The following MACROD2 variants were observed in gnomAD, a reference collection of about 807,000 sequenced individuals.
MACROD2 encodes the protein mono-ADP ribosylhydrolase 2.
In MACROD2, 36 loss-of-function variants were observed where a neutral mutation model predicts 70.4. The observed-to-expected ratio is 0.51, with a 90% CI of 0.39 to 0.68. MACROD2 has a LOEUF of 0.68. MACROD2 is among the 30% of genes least tolerant of loss of function. MACROD2 has a pLI of 0.00. For missense variants in MACROD2, 496 were observed against 538.4 expected (o/e 0.92, Z 0.78); for synonymous variants, 172 against 178.8 (o/e 0.96, Z 0.30).
At chr20:14,417,313 T>C (rs1389208777) in intron 3 of MACROD2, among the ~76,000 whole-genome samples, 2 of 152,198 alleles carry the variant, frequency 1.3e-5, no homozygotes, top group East Asian at 3.8e-4. Context: ...GATAGATACT[T>C]TGAAAACTGC....
intron 6 of MACROD2, among the ~76,000 whole-genome samples, chr20:15,313,394 C>T (rs1195904823): frequency 6.6e-6 from 1 of 151,246 alleles, no homozygotes; most frequent in Non-Finnish European, 1.5e-5. Context: ...GTAGTCCCAG[C>T]TACTCGGGAG....
intron 8 of MACROD2, among the ~76,000 whole-genome samples, chr20:15,799,761 G>A (rs917233516): frequency 1.3e-5 from 2 of 152,128 alleles, no homozygotes. Context: ...GTGAGTGCAG[G>A]CATCCCTTTA....
chr20:15,630,694 GATGC>G (rs2049275749), intron 8 of MACROD2, among the ~76,000 whole-genome samples: 1 of 152,226 alleles, frequency 6.6e-6, no homozygotes. Flanking sequence ...AGCAAATGTA[GATGC>G]ATGCCCTTTG....
At chr20:14,762,459 A>G (rs1389964591) in intron 5 of MACROD2, among the ~76,000 whole-genome samples, 1 of 152,150 alleles carries the variant, frequency 6.6e-6, no homozygotes, top group African/African-American at 2.4e-5. Flanking sequence ...CAAATCAAAA[A>G]CAAAAATAAA....
Position 14,862,646 on chromosome 20 carries a change from T to TATATAAATATATATAAAA in MACROD2, c.418+177692_418+177693insAATATATATAAAAATATA, listed in dbSNP as rs1555840106. Among the ~76,000 whole-genome samples the TATATAAATATATATAAAA allele has an allele frequency of 2.1e-3, 10 of 4,778 alleles. 1 individual carries two copies. The highest frequency in any genetic ancestry group is 6.6e-3 in the African/African-American group (8 of 1,218). 3.1% of individuals were successfully genotyped at this position (4,778 alleles called of 152,430 possible). A position where few individuals can be genotyped will look rare whatever the true frequency, so the allele number is the denominator to read the frequency against. Reference sequence around the variant, plus strand: ...ATATATATAAATATATATATAAATATATATATATAAATATATATATAAATA... The same window carrying TATATAAATATATATAAAA: ...ATATATATAAATATATATATAAATATATATAAATATATATAAAAATATATATAAATATATATATAAATA... On this transcript the variant is annotated intron_variant, in intron 5 of 17. Coordinates refer to ENST00000684519, the MANE Select transcript of MACROD2 (RefSeq NM_001351661.2).
chr20:15,900,459 A>T (rs567066994), intron 10 of MACROD2, among the ~76,000 whole-genome samples: 1 of 152,320 alleles, frequency 6.6e-6, no homozygotes, highest in South Asian at 2.1e-4. Flanking sequence ...ACAAAGTAGT[A>T]GAAGGACCCA....
intron 3 of MACROD2, among the ~76,000 whole-genome samples, chr20:14,138,903 T>G (rs1475842611): frequency 6.6e-6 from 1 of 152,174 alleles, no homozygotes; most frequent in Non-Finnish European, 1.5e-5. Context: ...ACCTTAAATA[T>G]GTATAATTTT....
intron 8 of MACROD2, among the ~76,000 whole-genome samples, chr20:15,675,726 T>C (rs2146846188): frequency 6.6e-6 from 1 of 152,302 alleles, no homozygotes; most frequent in Admixed American, 6.5e-5. Context: ...TTGAAAATTG[T>C]AGTAGATCAA....
At chr20:14,786,887 C>A (rs1230926454) in intron 5 of MACROD2, among the ~76,000 whole-genome samples, 2 of 152,024 alleles carry the variant, frequency 1.3e-5, no homozygotes, top group East Asian at 3.9e-4. Flanking sequence ...AAGAAAGAGG[C>A]AATGTGGCAG....
At chr20:15,808,131 G>A (rs545076213) in intron 8 of MACROD2, among the ~76,000 whole-genome samples, 1 of 152,258 alleles carries the variant, frequency 6.6e-6, no homozygotes, top group African/African-American at 2.4e-5. Context: ...AAAAGGGACA[G>A]GAATTGCTTA....
At chr20:14,598,520 C>T (rs914818153) in intron 4 of MACROD2, among the ~76,000 whole-genome samples, 1 of 152,004 alleles carries the variant, frequency 6.6e-6, no homozygotes, top group Non-Finnish European at 1.5e-5. Flanking sequence ...TTTTATGCCC[C>T]GTGCATAAGT....
intron 5 of MACROD2, among the ~76,000 whole-genome samples, chr20:15,090,598 A>G (rs2075785748): frequency 6.6e-6 from 1 of 152,152 alleles, no homozygotes; most frequent in Non-Finnish European, 1.5e-5. Context: ...GAAGAGAGGT[A>G]GAATTATATG....
At chr20:14,583,416 C>A (rs1981172240) in intron 4 of MACROD2, among the ~76,000 whole-genome samples, 1 of 152,160 alleles carries the variant, frequency 6.6e-6, no homozygotes. Context: ...CAGCAGGTCC[C>A]AATGGATTCA....
chr20:14,126,025 A>G (rs1325208884), intron 3 of MACROD2, among the ~76,000 whole-genome samples: 1 of 152,122 alleles, frequency 6.6e-6, no homozygotes, highest in African/African-American at 2.4e-5. Flanking sequence ...GGGTGTCAGG[A>G]TTGTAGAAGC....
At chr20:15,951,294 T>C (rs2065900050) in intron 12 of MACROD2, among the ~76,000 whole-genome samples, 1 of 144,992 alleles carries the variant, frequency 6.9e-6, no homozygotes, top group Admixed American at 7.1e-5. Context: ...CCTAGGAGGA[T>C]ATATTTATCT....
intron 5 of MACROD2, among the ~76,000 whole-genome samples, chr20:15,023,452 C>T (rs555080354): frequency 2.0e-5 from 3 of 152,162 alleles, no homozygotes; most frequent in South Asian, 4.2e-4. Flanking sequence ...AGAAGCAGCA[C>T]GGGCTAGGCT....
chr20:14,379,036 A>G (rs1251546829), intron 3 of MACROD2, among the ~76,000 whole-genome samples: 1 of 152,196 alleles, frequency 6.6e-6, no homozygotes, highest in African/African-American at 2.4e-5. Context: ...CCCCAATAAT[A>G]ATAATGACTA....
intron 6 of MACROD2, among the ~76,000 whole-genome samples, chr20:15,417,598 C>CAAAA (rs71340225): frequency 3.9e-4 from 27 of 68,772 alleles, no homozygotes; most frequent in African/African-American, 8.7e-4. Context: ...AACCCTGTCT[C>CAAAA]AAAAAAAAAA....
At position 14,684,883 on chromosome 20, in the gene MACROD2, A is replaced by G; in HGVS notation, c.342A>G (p.Leu114=). The change falls in exon 5 of 18, where the codon CTA becomes CTG. Residue 114 remains leucine, a synonymous_variant. Transcript: ENST00000684519. ...ATAGAGCAGCCGGCCCCTGTTTGCT[A>G]GCTGAATGTCGTAACCTGAATGGCT... ...CIHRAAGPCL[L]AECRNLNGCD... is the part of the protein sequence containing the mutation. The G allele has an allele frequency of 6.2e-7, 1 of 1,614,054 alleles. No homozygotes were observed. Among genetic ancestry groups the G allele is most frequent in the Non-Finnish European group, 8.5e-7 (1 of 1,179,952 alleles).
Sources: allele counts gnomAD v4.1 joint callset (sites outside exome capture counted in the v4.1 genomes callset), GRCh38; gene constraint gnomAD v4.1.1; transcripts MANE v1.5; gene names NCBI Gene and HGNC (gene_info 2026-07-23, HGNC 2026-07-21).